NUFIP1: variants seen among roughly 807,000 people sequenced by gnomAD.
The protein encoded by NUFIP1 is nuclear FMR1 interacting protein 1.
In NUFIP1, 38 loss-of-function variants were observed where a neutral mutation model predicts 56.2. The ratio of observed to expected loss-of-function variants is 0.68; its 90% confidence interval spans 0.52 to 0.89. The LOEUF (loss-of-function observed/expected upper bound fraction) is 0.89. Ranked by LOEUF, NUFIP1 falls within the 40% of genes least tolerant of loss-of-function variation. The pLI is 0.00. For synonymous variants in NUFIP1, 215 were observed against 212.4 expected (o/e 1.01, Z -0.10); for missense variants, 567 against 605.8 (o/e 0.94, Z 0.67).
chr13:44,973,188 T>C (rs1447979075), intron 5 of NUFIP1, among the ~76,000 whole-genome samples: 1 of 152,228 alleles, frequency 6.6e-6, no homozygotes, highest in Non-Finnish European at 1.5e-5. Context: ...TAGTTCACAT[T>C]CGTGTAGGGA....
At chr13:44,988,096 C>T (rs1351204721) in intron 1 of NUFIP1, among the ~76,000 whole-genome samples, 1 of 152,210 alleles carries the variant, frequency 6.6e-6, no homozygotes, top group African/African-American at 2.4e-5. Context: ...TCATATGTCA[C>T]CTTCCTTATG....
At chr13:44,963,087 A>C (rs952483667) in intron 6 of NUFIP1, among the ~76,000 whole-genome samples, 10 of 152,202 alleles carry the variant, frequency 6.6e-5, no homozygotes, top group African/African-American at 1.4e-4. Flanking sequence ...CTCCACCAAA[A>C]AAAACAAAAC....
chr13:44,983,000 C>A (rs1241674918), intron 1 of NUFIP1, among the ~76,000 whole-genome samples: 4 of 152,030 alleles, frequency 2.6e-5, no homozygotes, highest in Non-Finnish European at 5.9e-5. Context: ...AGCACAAGAC[C>A]CTGTCTCTGT....
intron 6 of NUFIP1, among the ~76,000 whole-genome samples, chr13:44,964,926 A>C (rs1871547356): frequency 6.6e-6 from 1 of 152,238 alleles, no homozygotes; most frequent in Non-Finnish European, 1.5e-5. Context: ...AGAAGGATGA[A>C]ACCGTTTCTA....
chr13:44,989,437 A>G lies in NUFIP1; in HGVS notation c.-1T>C, dbSNP rs1430152153. Reference sequence around the variant, plus strand: ...CGAAATCACTAGTCGGCTCAGCCATACCACTGGCGGGTCCGGAGTCTAGCA... The same window carrying G: ...CGAAATCACTAGTCGGCTCAGCCATGCCACTGGCGGGTCCGGAGTCTAGCA... On this transcript the variant is annotated 5_prime_UTR_variant, in exon 1 of 10. Transcript: ENST00000379161. The G allele has an allele frequency of 6.2e-7, 1 of 1,612,934 alleles. No homozygotes were observed. Among genetic ancestry groups the G allele is most frequent in the African/African-American group, 1.3e-5 (1 of 74,882 alleles).
chr13:44,959,281 A>G (rs552761756), intron 7 of NUFIP1, 100 bp downstream of exon 7: 1 of 1,059,360 alleles, frequency 9.4e-7, no homozygotes, highest in East Asian at 2.4e-5. Context: ...GCATTGTTAT[A>G]CATTTGATAT....
chr13:44,965,922 A>G lies in NUFIP1; in HGVS notation c.749T>C (p.Leu250Pro). 6.4e-7 allele frequency: 1 copy of G among 1,571,418 alleles called. No homozygotes were observed. The highest frequency in any genetic ancestry group is 8.6e-7 in the Non-Finnish European group (1 of 1,159,374). Residue 250 changes from leucine to proline, a missense_variant, in exon 6 of 10, where the codon CTG becomes CCG. Leu to Pro is a moderately conservative substitution (Grantham distance 98). Coordinates refer to ENST00000379161, the MANE Select transcript of NUFIP1 (RefSeq NM_012345.3). Reference sequence around the variant, plus strand: ...CTTCTTCTTCCTTTCAATATTGGCCAGAGTTGGATAGTTTCTAGAAAATAA... The same window carrying G: ...CTTCTTCTTCCTTTCAATATTGGCCGGAGTTGGATAGTTTCTAGAAAATAA... ...REERRKNYPT[L>P]ANIERKKKLK...
intron 8 of NUFIP1, among the ~76,000 whole-genome samples, chr13:44,949,444 G>A (rs1230657529): frequency 1.3e-5 from 2 of 151,582 alleles, no homozygotes; most frequent in African/African-American, 2.4e-5. Flanking sequence ...CTCGTGATCC[G>A]CCCGCCTCGG....
chr13:44,949,239 T>C (rs911991170), intron 8 of NUFIP1, among the ~76,000 whole-genome samples: 4 of 141,252 alleles, frequency 2.8e-5, no homozygotes, highest in Admixed American at 1.5e-4. Flanking sequence ...TCTCGCTCTG[T>C]CGCCCAGGCT....
Position 44,989,198 on chromosome 13 carries a change from G to A in NUFIP1, c.239C>T (p.Pro80Leu), listed in dbSNP as rs368178633. 6.2e-7 allele frequency: 1 copy of A among 1,611,838 alleles called. No individual in the cohort carries two copies. Among genetic ancestry groups the A allele is most frequent in the South Asian group, 1.1e-5 (1 of 90,848 alleles). ...EAQSLPGAPP[P>L]FDAQILPGAQ... ...CCCGGGAAGAATCTGGGCGTCGAAG[G>A]GGGGCGGAGCCCCGGGGAGAGACTG... Residue 80 changes from proline (P) to leucine (L), a missense_variant, in exon 1 of 10, where the codon CCC (proline) becomes CTC (leucine). Transcript: ENST00000379161.
Position 44,959,486 on chromosome 13 carries a change from G to C in NUFIP1, c.916C>G (p.Gln306Glu). The change falls in exon 7 of 10, where the codon CAG becomes GAG. Residue 306 changes from glutamine (Q) to glutamate (E), a missense_variant. By Grantham distance (29) the Gln-to-Glu change is conservative. Transcript: ENST00000379161. ...NHKWKNDNSR[Q>E]RAVTGSGSHL... ...CTGCCTGATCCAGTGACTGCTCTCT[G>C]TCTAGAATTGTCGTTTTTCCATTTG... 3.7e-6 allele frequency: 6 copies of C among 1,614,096 alleles called. No individual in the cohort carries two copies. The highest frequency in any genetic ancestry group is 5.1e-6 in the Non-Finnish European group (6 of 1,180,004).
In NUFIP1 at chr13:44,982,234, T is replaced by C. The variant is rs2137925464; in HGVS notation, c.413-80A>G. ...ATTAAATTTTATCTACTACAGCATG[T>C]TACAAATATTTCAGTAAAAACACTA... On this transcript the variant is annotated intron_variant, in intron 1 of 9. Transcript: ENST00000379161. 8.5e-6 allele frequency: 5 copies of C among 588,544 alleles called. No homozygotes were observed. The East Asian group carries it at 1.4e-4, about 16-fold the overall frequency. The allele number at this position is 588,544 out of a possible 1,614,324, so 36.5% of individuals were successfully genotyped here. A position where few individuals can be genotyped will look rare whatever the true frequency, so the allele number is the denominator to read the frequency against.
chr13:44,953,089 T>C (rs1184536388), intron 7 of NUFIP1, among the ~76,000 whole-genome samples: 1 of 152,164 alleles, frequency 6.6e-6, no homozygotes, highest in Non-Finnish European at 1.5e-5. Flanking sequence ...CTTGACCACT[T>C]TATGGTCTGC....
At chr13:44,943,958 G>T (rs956079611) in intron 8 of NUFIP1, among the ~76,000 whole-genome samples, 3 of 152,048 alleles carry the variant, frequency 2.0e-5, no homozygotes, top group African/African-American at 7.2e-5. Flanking sequence ...TCTATACAAA[G>T]GAAGGATAAG....
intron 7 of NUFIP1, among the ~76,000 whole-genome samples, chr13:44,950,252 T>C (rs1489014999): frequency 6.6e-6 from 1 of 152,258 alleles, no homozygotes; most frequent in Non-Finnish European, 1.5e-5. Context: ...TTAAAATACC[T>C]ATGCTTTTAA....
At chr13:44,967,465 G>A (rs1223396114) in intron 5 of NUFIP1, among the ~76,000 whole-genome samples, 3 of 151,756 alleles carry the variant, frequency 2.0e-5, no homozygotes, top group Non-Finnish European at 2.9e-5. Context: ...CTGAGATCAC[G>A]CCACTGCACT....
chr13:44,950,906 C>G (rs2137895792), intron 7 of NUFIP1, among the ~76,000 whole-genome samples: 1 of 152,214 alleles, frequency 6.6e-6, no homozygotes, highest in African/African-American at 2.4e-5. Flanking sequence ...TTTAATTAAC[C>G]AACTCAACCT....
At chr13:44,986,537 A>G (rs1030723575) in intron 1 of NUFIP1, among the ~76,000 whole-genome samples, 1 of 151,866 alleles carries the variant, frequency 6.6e-6, no homozygotes, top group African/African-American at 2.4e-5. Context: ...TAAAAATACA[A>G]AAAAATCAGC....
chr13:44,948,549 A>G (rs936648403), intron 8 of NUFIP1, among the ~76,000 whole-genome samples: 6 of 152,230 alleles, frequency 3.9e-5, no homozygotes, highest in African/African-American at 1.4e-4. Context: ...GTCCTGAGAC[A>G]TAGACATGAA....
Sources: allele counts gnomAD v4.1 joint callset (sites outside exome capture counted in the v4.1 genomes callset), GRCh38; gene constraint gnomAD v4.1.1; transcripts MANE v1.5; gene names NCBI Gene and HGNC (gene_info 2026-07-23, HGNC 2026-07-21).